CHRNA3: variants seen among roughly 807,000 people sequenced by gnomAD.
CHRNA3 encodes neuronal acetylcholine receptor subunit alpha-3.
Under a neutral mutation model 41.9 loss-of-function variants are expected in CHRNA3, and 34 were observed. That is an observed-to-expected ratio of 0.81 (90% CI 0.62 to 1.08). The LOEUF is 1.08. CHRNA3 is among the 50% of genes least tolerant of loss of function. The probability of loss-of-function intolerance (pLI) is 0.00; values close to 1 mark genes in which losing one functional copy is unlikely to be tolerated. For synonymous variants in CHRNA3, 281 were observed against 265.2 expected, an observed-to-expected ratio of 1.06 and a Z score of -0.58; for missense variants, 542 against 638.3, an observed-to-expected ratio of 0.85 and a Z score of 1.63.
At position 78,596,742 on chromosome 15, in the gene CHRNA3, A is replaced by C; in HGVS notation, c.1390-10T>G. On this transcript the variant is annotated splice_polypyrimidine_tract_variant and intron_variant, in intron 5 of 5. Coordinates refer to ENST00000326828, the MANE Select transcript of CHRNA3 (RefSeq NM_000743.5). ...TCCAATCATCTTGAATCTGCAAAACAAAATGATAAAAGAAAAAAAACATGG... is the reference window on the plus strand; with the variant it reads ...TCCAATCATCTTGAATCTGCAAAACCAAATGATAAAAGAAAAAAAACATGG... 1.3e-6 allele frequency: 2 copies of C among 1,592,542 alleles called. No homozygotes were observed. The highest frequency in any genetic ancestry group is 8.5e-7 in the Non-Finnish European group (1 of 1,174,574).
downstream of CHRNA3, chr15:78,595,171 T>A (rs1338350633): frequency 4.5e-6 from 2 of 441,008 alleles, no homozygotes; most frequent in Non-Finnish European, 6.0e-6. Flanking sequence ...GAATTTAGAT[T>A]GCCTGCCAGC....
intron 5 of CHRNA3, among the ~76,000 whole-genome samples, chr15:78,597,358 G>GA (rs2053129659): frequency 6.6e-6 from 1 of 152,214 alleles, no homozygotes; most frequent in African/African-American, 2.4e-5. Context: ...TTGAACCCGG[G>GA]AGGCGGAGGT....
At chr15:78,608,274 G>A (rs1409843803) in intron 4 of CHRNA3, among the ~76,000 whole-genome samples, 5 of 152,210 alleles carry the variant, frequency 3.3e-5, no homozygotes, top group Non-Finnish European at 5.9e-5. Context: ...CCTCAAGTGG[G>A]TCCCTGACCC....
At chr15:78,607,889 C>T (rs1017131652) in intron 4 of CHRNA3, among the ~76,000 whole-genome samples, 29 of 152,156 alleles carry the variant, frequency 1.9e-4, no homozygotes, top group Admixed American at 3.3e-4. Context: ...ACTTTTCCAA[C>T]GGGCTTAAAA....
intron 4 of CHRNA3, among the ~76,000 whole-genome samples, chr15:78,605,652 C>T (rs1158887345): frequency 6.6e-6 from 1 of 152,154 alleles, no homozygotes; most frequent in African/African-American, 2.4e-5. Flanking sequence ...TCAGTGCTGA[C>T]GTGGGCTCTT....
At chr15:78,617,887 C>T (rs1481733188) in intron 3 of CHRNA3, among the ~76,000 whole-genome samples, 1 of 152,166 alleles carries the variant, frequency 6.6e-6, no homozygotes, top group African/African-American at 2.4e-5. Context: ...ATTTCTTGGC[C>T]TCGATCTGAA....
At chr15:78,595,164 T>A (rs549454372), downstream of CHRNA3, 30 of 396,384 alleles carry the variant, frequency 7.6e-5, no homozygotes, top group Admixed American at 3.2e-4. Flanking sequence ...GTGTGATGAA[T>A]TTAGATTGCC....
intron 5 of CHRNA3, 91 bp from the exon 6 acceptor site, chr15:78,596,823 G>T: frequency 6.8e-7 from 1 of 1,472,750 alleles, no homozygotes; most frequent in Non-Finnish European, 8.9e-7. Context: ...ACACGTTGCA[G>T]TAGAAGCCAT....
At chr15:78,609,905 CAAAA>C (rs1212780811) in intron 4 of CHRNA3, among the ~76,000 whole-genome samples, 1 of 151,664 alleles carries the variant, frequency 6.6e-6, no homozygotes, top group African/African-American at 2.4e-5. Flanking sequence ...AAATGGAAAA[CAAAA>C]AAAGGCAGGG....
At chr15:78,608,684 C>T (rs2053336125) in intron 4 of CHRNA3, among the ~76,000 whole-genome samples, 1 of 152,206 alleles carries the variant, frequency 6.6e-6, no homozygotes, top group Non-Finnish European at 1.5e-5. Flanking sequence ...CTCTCCTCCT[C>T]CAAAGGAACA....
In CHRNA3 at chr15:78,596,344, T is replaced by C. The variant is rs570740495; in HGVS notation, c.*260A>G. ...ATTTTTACATGTATATTCCATAGCA[T>C]AGCATACTAATCACATAGAATCACA... On this transcript the variant is annotated 3_prime_UTR_variant, in exon 6 of 6. Transcript: ENST00000326828. 3.6e-6 allele frequency: 4 copies of C among 1,105,180 alleles called. No homozygotes were observed. The highest frequency in any genetic ancestry group is 1.6e-5 in the African/African-American group (1 of 61,150). The allele number at this position is 1,105,180 out of a possible 1,614,324, so 68.5% of individuals were successfully genotyped here. A position where few individuals can be genotyped will look rare whatever the true frequency, so the allele number is the denominator to read the frequency against.
chr15:78,620,368 T>TGTGCGGGGCAGGGCGACGGGCA, intron 1 of CHRNA3: 1 of 261,106 alleles, frequency 3.8e-6, no homozygotes, highest in Non-Finnish European at 7.3e-6. Context: ...TGGGAGCCAG[T>TGTGCGGGGCAGGGCGACGGGCA]GCGCGGGGCA....
chr15:78,601,257 T>G lies in CHRNA3; in HGVS notation c.1385A>C (p.Lys462Thr). ...TAATAAAAGCCATATCCTTACCTCT[T>G]TGGCTTCATTTTGTGCTTTCATATT... ...AENMKAQNEA[K>T]EIQDDWKYVA... is the part of the protein sequence containing the mutation. Residue 462 changes from lysine (K) to threonine (T), a missense_variant, in exon 5 of 6, where the codon AAA (lysine) becomes ACA (threonine). By Grantham distance (78) the Lys-to-Thr change is moderately conservative. Transcript: ENST00000326828. 1 of 1,612,460 alleles carries G rather than the reference T, an allele frequency of 6.2e-7. No homozygotes were observed. Among genetic ancestry groups the G allele is most frequent in the Non-Finnish European group, 8.5e-7 (1 of 1,178,914 alleles).
At position 78,602,279 on chromosome 15, in the gene CHRNA3, A is replaced by G; in HGVS notation, c.378-15T>C. ...CCCCAACAGCACTGCAAAGACAAAG[A>G]GGGGGCACAGTGACACACGGTCATT... On this transcript the variant is annotated splice_polypyrimidine_tract_variant and intron_variant, in intron 4 of 5. Transcript: ENST00000326828. 1.2e-6 allele frequency: 2 copies of G among 1,609,190 alleles called. No homozygotes were observed. Among genetic ancestry groups the G allele is most frequent in the East Asian group, 2.2e-5 (1 of 44,812 alleles).
In CHRNA3 at chr15:78,595,466, CA is replaced by C. The variant is rs1396509250; in HGVS notation, c.*1137del. The C allele has an allele frequency of 3.7e-5, 36 of 974,286 alleles. No homozygotes were observed. Among genetic ancestry groups the C allele is most frequent in the Non-Finnish European group, 8.5e-6 (7 of 819,870 alleles). 60.4% of individuals were successfully genotyped at this position (974,286 alleles called of 1,614,324 possible). ...TTTGTCTAAAGCAATGTTTCTCAACCAGGGGCAATTTTGCTCCTAAGGGAAC... is the reference window on the plus strand; with the variant it reads ...TTTGTCTAAAGCAATGTTTCTCAACCGGGGCAATTTTGCTCCTAAGGGAAC... On this transcript the variant is annotated 3_prime_UTR_variant, in exon 6 of 6. Transcript: ENST00000326828.
intron 4 of CHRNA3, 80 bp from the exon 5 acceptor site, chr15:78,602,344 A>C: frequency 2.3e-4 from 325 of 1,427,428 alleles, no homozygotes; most frequent in Non-Finnish European, 2.8e-4. Context: ...CCAGCTTCTC[A>C]CAGTAAGTAA....
At chr15:78,612,168 T>A (rs997232196) in intron 4 of CHRNA3, among the ~76,000 whole-genome samples, 2 of 151,930 alleles carry the variant, frequency 1.3e-5, no homozygotes, top group African/African-American at 4.8e-5. Flanking sequence ...TTCAATGCCA[T>A]CCCCATCAAG....
chr15:78,604,281 GAA>G (rs777174814), intron 4 of CHRNA3, among the ~76,000 whole-genome samples: 102 of 152,310 alleles, frequency 6.7e-4, no homozygotes, highest in Middle Eastern at 3.4e-3. Context: ...GCCCTTTAGA[GAA>G]AACATTTGCT....
intron 4 of CHRNA3, among the ~76,000 whole-genome samples, chr15:78,602,989 A>G (rs762254935): frequency 1.1e-4 from 16 of 151,796 alleles, no homozygotes; most frequent in Non-Finnish European, 1.8e-4. Context: ...CCTTTTCACT[A>G]TGTGCATCCT....
Sources: allele counts gnomAD v4.1 joint callset (sites outside exome capture counted in the v4.1 genomes callset), GRCh38; gene constraint gnomAD v4.1.1; transcripts MANE v1.5; gene names NCBI Gene and HGNC (gene_info 2026-07-23, HGNC 2026-07-21).